Variants in KIF13A observed in about 807,000 individuals in gnomAD.
KIF13A encodes kinesin-like protein KIF13A.
KIF13A carries 79 observed loss-of-function variants against 212.2 expected under a neutral mutation model. That is an observed-to-expected ratio of 0.37 (90% CI 0.31 to 0.45). KIF13A has a LOEUF of 0.45. KIF13A is among the 20% of genes least tolerant of loss of function. The pLI is 1.00. For synonymous variants in KIF13A, 789 were observed against 808.6 expected (o/e 0.98, Z 0.41); for missense variants, 1,901 against 2,209.0 (o/e 0.86, Z 2.79).
chr6:17,856,176 A>G lies in KIF13A; in HGVS notation c.221-54T>C, dbSNP rs1052728106. ...AATAAAAAGAATAATTTTTCTTGAC[A>G]TATTTGTGTTAGTAACAATATTATG... On this transcript the variant is annotated intron_variant, in intron 4 of 38. Transcript: ENST00000259711. The surrounding 1 kb of genome is among the most constrained non-coding windows in gnomAD (Gnocchi z 4.5). 4.0e-6 allele frequency: 5 copies of G among 1,250,780 alleles called. No homozygotes were observed. Among genetic ancestry groups the G allele is most frequent in the Non-Finnish European group, 5.7e-6 (5 of 870,958 alleles). The allele number at this position is 1,250,780 out of a possible 1,614,324, so 77.5% of individuals were successfully genotyped here. A position where few individuals can be genotyped will look rare whatever the true frequency, so the allele number is the denominator to read the frequency against.
chr6:17,796,655 A>G lies in KIF13A; in HGVS notation c.2942+14T>C, dbSNP rs1203462086. ...TCTTAACCTTGTACCTAAAGCTCAC[A>G]GCCAAGTACAAACCTGTCATGCAGT... On this transcript the variant is annotated intron_variant, in intron 23 of 38. Coordinates refer to ENST00000259711, the MANE Select transcript of KIF13A (RefSeq NM_022113.6). The G allele has an allele frequency of 4.1e-6, 6 of 1,459,160 alleles. No homozygotes were observed. The highest frequency in any genetic ancestry group is 5.5e-6 in the Non-Finnish European group (6 of 1,093,136). 90.4% of individuals were successfully genotyped at this position (1,459,160 alleles called of 1,614,324 possible). A position where few individuals can be genotyped will look rare whatever the true frequency, so the allele number is the denominator to read the frequency against.
intron 2 of KIF13A, among the ~76,000 whole-genome samples, chr6:17,975,106 G>T (rs977775070): frequency 5.9e-5 from 9 of 152,176 alleles, no homozygotes; most frequent in Non-Finnish European, 1.0e-4. Context: ...AACTTTGAGA[G>T]AAAGAGGAGG....
At chr6:17,948,557 CT>C (rs71002289) in intron 2 of KIF13A, among the ~76,000 whole-genome samples, 125 of 84,134 alleles carry the variant, frequency 1.5e-3, no homozygotes, top group African/African-American at 3.5e-3. Flanking sequence ...CATCCATTTA[CT>C]TTTTTTTTTT....
At chr6:17,911,193 C>G (rs1774028988) in intron 2 of KIF13A, among the ~76,000 whole-genome samples, 1 of 152,202 alleles carries the variant, frequency 6.6e-6, no homozygotes, top group Non-Finnish European at 1.5e-5. Flanking sequence ...ATTTTTCTTT[C>G]TGCCCTGTGC....
Position 17,894,737 on chromosome 6 carries a change from G to T in KIF13A, c.159+3431C>A, listed in dbSNP as rs560619513. 4.6e-5 allele frequency among the ~76,000 whole-genome samples: 7 copies of T among 152,188 alleles called. No homozygotes were observed. The South Asian group carries it at 1.5e-3, about 32-fold the overall frequency. On this transcript the variant is annotated intron_variant, in intron 3 of 38. Coordinates refer to ENST00000259711, the MANE Select transcript of KIF13A (RefSeq NM_022113.6). ...CATTCTTTGAGCCGTATGGTTCTATGAATTTTGACAAATGCATAATGTCAT... is the reference window on the plus strand; with the variant it reads ...CATTCTTTGAGCCGTATGGTTCTATTAATTTTGACAAATGCATAATGTCAT...
intron 3 of KIF13A, among the ~76,000 whole-genome samples, chr6:17,878,857 T>A (rs1177950430): frequency 6.6e-6 from 1 of 152,062 alleles, no homozygotes; most frequent in Non-Finnish European, 1.5e-5. Context: ...ATGAAAAGAG[T>A]CCTAACAATA....
At chr6:17,903,784 C>T (rs1219478790) in intron 2 of KIF13A, among the ~76,000 whole-genome samples, 1 of 152,060 alleles carries the variant, frequency 6.6e-6, no homozygotes, top group Non-Finnish European at 1.5e-5. Context: ...TTCTAGGTGT[C>T]TTAGCAAGGG....
chr6:17,921,704 T>C (rs985029396), intron 2 of KIF13A, among the ~76,000 whole-genome samples: 6 of 152,096 alleles, frequency 3.9e-5, no homozygotes, highest in African/African-American at 1.4e-4. Context: ...GAGAATGCCC[T>C]TGGAAAGCCA....
chr6:17,770,862 C>T (rs1759434748), intron 38 of KIF13A: 2 of 632,710 alleles, frequency 3.2e-6, no homozygotes, highest in Admixed American at 4.0e-5. Context: ...TTTATAAAGG[C>T]CAGAAGCAAT....
intron 18 of KIF13A, among the ~76,000 whole-genome samples, chr6:17,806,432 A>G (rs1326262225): frequency 1.3e-5 from 2 of 152,236 alleles, no homozygotes; most frequent in Non-Finnish European, 2.9e-5. Context: ...CCCAAAGGGG[A>G]ACTACTAGGT....
chr6:17,908,109 T>C (rs1369950237), intron 2 of KIF13A, among the ~76,000 whole-genome samples: 1 of 152,168 alleles, frequency 6.6e-6, no homozygotes, highest in Non-Finnish European at 1.5e-5. Flanking sequence ...AGGAAAAATC[T>C]GTAAGACTTG....
chr6:17,786,299 G>A lies in KIF13A; in HGVS notation c.3362-658C>T, dbSNP rs1581917640. ...AACTATACATGATGTTACAAAGACA[G>A]GATTAAAAAACACCATAGGCCGGGC... On this transcript the variant is annotated intron_variant, in intron 27 of 38. Coordinates refer to ENST00000259711, the MANE Select transcript of KIF13A (RefSeq NM_022113.6). This position sits in a 1 kb window ranked among gnomAD's most constrained non-coding sequence, Gnocchi z 5.4. Among the ~76,000 whole-genome samples the A allele has an allele frequency of 1.3e-5, 2 of 152,040 alleles. No individual in the cohort carries two copies. The highest frequency in any genetic ancestry group is 2.1e-4 in the South Asian group (1 of 4,810).
chr6:17,787,900 T>C lies in KIF13A; in HGVS notation c.3262-25A>G, dbSNP rs983815702. 1 of 1,329,724 alleles carries C rather than the reference T, an allele frequency of 7.5e-7. No homozygotes were observed. The highest frequency in any genetic ancestry group is 1.4e-5 in the African/African-American group (1 of 69,376). The allele number at this position is 1,329,724 out of a possible 1,614,324, so 82.4% of individuals were successfully genotyped here. ...CCTAACATCAGGGAGGGAAAATATT[T>C]TCCTGTAGACTGCACAGACAACGAT... On this transcript the variant is annotated intron_variant, in intron 26 of 38. Transcript: ENST00000259711. This position sits in a 1 kb window ranked among gnomAD's most constrained non-coding sequence, Gnocchi z 4.6.
intron 18 of KIF13A, 77 bp downstream of exon 18, chr6:17,808,690 TG>T (rs1763184076): frequency 7.2e-7 from 1 of 1,382,180 alleles, no homozygotes; most frequent in Non-Finnish European, 9.8e-7. Context: ...GGCATGTTTC[TG>T]GGGTTTCAGT....
At position 17,865,491 on chromosome 6, in the gene KIF13A, A is replaced by G. The variant is rs113383666; in HGVS notation, c.220+7886T>C. Among the ~76,000 whole-genome samples, 661 of 152,338 alleles carry G rather than the reference A, an allele frequency of 4.3e-3. 3 individuals carry two copies. Among genetic ancestry groups the G allele is most frequent in the Non-Finnish European group, 7.2e-3 (490 of 68,022 alleles). ...CAGCTCCAAATCAGAGCACCTGGACAGCGCAAGACCAGACAGGTTCTTCTC... is the reference window on the plus strand; with the variant it reads ...CAGCTCCAAATCAGAGCACCTGGACGGCGCAAGACCAGACAGGTTCTTCTC... On this transcript the variant is annotated intron_variant, in intron 4 of 38. Coordinates refer to ENST00000259711, the MANE Select transcript of KIF13A (RefSeq NM_022113.6).
At chr6:17,815,933 G>A (rs1177071822) in intron 17 of KIF13A, among the ~76,000 whole-genome samples, 3 of 133,964 alleles carry the variant, frequency 2.2e-5, no homozygotes, top group Non-Finnish European at 4.7e-5. Context: ...TTGAGACAAA[G>A]TCTCCCTCTT....
intron 4 of KIF13A, among the ~76,000 whole-genome samples, chr6:17,866,836 T>TGC (rs1769435306): frequency 4.2e-4 from 6 of 14,272 alleles, no homozygotes; most frequent in South Asian, 3.0e-3. Flanking sequence ...CGCATATATA[T>TGC]ATATATATAT....
chr6:17,804,025 G>A lies in KIF13A; in HGVS notation c.2454+336C>T, dbSNP rs567387558. Among the ~76,000 whole-genome samples the A allele has an allele frequency of 1.8e-4, 27 of 152,260 alleles. 1 individual carries two copies. The South Asian group carries it at 5.6e-3, about 32-fold the overall frequency. The stretch of plus-strand genomic sequence containing the variant: ...AAATTAGCCCGATATGGTGGTGGGC[G>A]CCTGTAGTCCCAGCTACTCGGGAGG... On this transcript the variant is annotated intron_variant, in intron 20 of 38. Coordinates refer to ENST00000259711, the MANE Select transcript of KIF13A (RefSeq NM_022113.6).
Position 17,817,053 on chromosome 6 carries a change from G to A in KIF13A, c.1967C>T (p.Ala656Val), listed in dbSNP as rs768744386. 8.7e-6 allele frequency: 14 copies of A among 1,613,026 alleles called. 1 individual carries two copies. The East Asian group carries it at 1.1e-4, about 13-fold the overall frequency. The stretch of plus-strand genomic sequence containing the variant: ...TGCCCACTGGGTCACCTTCTGCTGC[G>A]CTGTCTGGCTGCTGTAGGCCAGGCG... ...PDRLAYSSQT[A>V]QQKVTQWAEE... is the part of the protein sequence containing the mutation. Residue 656 changes from alanine (A) to valine (V), a missense_variant, in exon 17 of 39, where the codon GCG (alanine) becomes GTG (valine). By Grantham distance (64) the Ala-to-Val change is moderately conservative. Around this residue, in one of 5 missense-constraint regions of KIF13A, gnomAD observed 534 missense variants for 536.9 expected, o/e 0.99. Transcript: ENST00000259711.
Sources: allele counts gnomAD v4.1 joint callset (sites outside exome capture counted in the v4.1 genomes callset), GRCh38; gene constraint gnomAD v4.1.1; regional missense constraint gnomAD v4.1.1; non-coding constraint Gnocchi (gnomAD v3.1); transcripts MANE v1.5; gene names NCBI Gene and HGNC (gene_info 2026-07-23, HGNC 2026-07-21).